The following COL26A1 variants were observed in gnomAD, a reference collection of about 807,000 sequenced individuals.
COL26A1 encodes the protein collagen alpha-1(XXVI) chain.
Under a neutral mutation model 59.3 loss-of-function variants are expected in COL26A1, and 41 were observed. That is an observed-to-expected ratio of 0.69 (90% CI 0.54 to 0.90). The LOEUF (loss-of-function observed/expected upper bound fraction) is 0.90, where lower values mean the gene tolerates loss of function less well. COL26A1 is among the 40% of genes least tolerant of loss of function. The pLI is 0.00. For synonymous variants in COL26A1, 266 were observed against 256.0 expected (o/e 1.04, Z -0.37); for missense variants, 612 against 602.3 (o/e 1.02, Z -0.17).
intron 1 of COL26A1, among the ~76,000 whole-genome samples, chr7:101,419,490 C>G (rs1792458412): frequency 6.6e-6 from 1 of 152,128 alleles, no homozygotes; most frequent in South Asian, 2.1e-4. Context: ...CCGCTGCTTC[C>G]CCTGCTGGCT....
At chr7:101,541,910 T>G (rs1795625684) in intron 5 of COL26A1, among the ~76,000 whole-genome samples, 1 of 152,186 alleles carries the variant, frequency 6.6e-6, no homozygotes. Context: ...GGTCAGGATC[T>G]GCACTGTGCC....
chr7:101,373,616 T>G (rs1791243093), intron 1 of COL26A1, among the ~76,000 whole-genome samples: 1 of 152,122 alleles, frequency 6.6e-6, no homozygotes, highest in South Asian at 2.1e-4. Flanking sequence ...TTCTGAGGGA[T>G]CCTGGAGCGA....
chr7:101,466,795 GGTGTGTGTGTGTGTGTGTGTGT>G (rs59942660), intron 3 of COL26A1, among the ~76,000 whole-genome samples: 1 of 125,174 alleles, frequency 8.0e-6, no homozygotes, highest in Non-Finnish European at 1.7e-5. Context: ...GGCATGTTCT[GGTGTGTGTGTGTGTGTGTGTGT>G]GTGTGTGTGT....
chr7:101,363,340 G>A, intron 1 of COL26A1, 150 bp downstream of exon 1: 1 of 544,692 alleles, frequency 1.8e-6, no homozygotes, highest in Non-Finnish European at 2.8e-6. Context: ...ACTGGGGGCT[G>A]CAGACACCGG....
At chr7:101,471,571 G>GTTTTTTTTTTT (rs71517177) in intron 3 of COL26A1, among the ~76,000 whole-genome samples, 2 of 92,968 alleles carry the variant, frequency 2.2e-5, no homozygotes, top group African/African-American at 3.9e-5. Flanking sequence ...GTTGTTGTTT[G>GTTTTTTTTTTT]TTTTTTTTTT....
At chr7:101,494,129 T>TTTTATTTTGTTTTGTTTTGTTTTGTTTTG (rs1794530716) in intron 3 of COL26A1, among the ~76,000 whole-genome samples, 1 of 145,228 alleles carries the variant, frequency 6.9e-6, no homozygotes, top group African/African-American at 2.8e-5. Context: ...TGCATTGTCG[T>TTTTATTTTGTTTTGTTTTGTTTTGTTTTG]TTTGTTTTGT....
chr7:101,447,803 C>T lies in COL26A1; in HGVS notation c.385+16C>T, dbSNP rs775105548. The T allele has an allele frequency of 1.3e-6, 2 of 1,541,332 alleles. No homozygotes were observed. Among genetic ancestry groups the T allele is most frequent in the Admixed American group, 3.6e-5 (2 of 55,074 alleles). ...TGTGATGAGGGTAAGTTGGCAGGCA[C>T]TTGGGCTGCAGGGGGCCAGGCGTGG... On this transcript the variant is annotated intron_variant, in intron 3 of 12. Coordinates refer to ENST00000313669, the MANE Select transcript of COL26A1 (RefSeq NM_001278563.3).
In COL26A1 at chr7:101,489,824, T is replaced by C. The variant is rs865980023; in HGVS notation, c.385+42037T>C. ...TTTCTTTCTTTCTTTCTTTCTTTCT[T>C]TCTTTCTTTCTTTCTTTCTTTCTTT... On this transcript the variant is annotated intron_variant, in intron 3 of 12. Coordinates refer to ENST00000313669, the MANE Select transcript of COL26A1 (RefSeq NM_001278563.3). 4.2e-3 allele frequency among the ~76,000 whole-genome samples: 36 copies of C among 8,612 alleles called. 3 individuals carry two copies. Among genetic ancestry groups the C allele is most frequent in the Middle Eastern group, 0.036 (1 of 28 alleles). 5.6% of individuals were successfully genotyped at this position (8,612 alleles called of 152,430 possible).
At chr7:101,476,526 G>A (rs913248951) in intron 3 of COL26A1, among the ~76,000 whole-genome samples, 3 of 151,424 alleles carry the variant, frequency 2.0e-5, no homozygotes, top group South Asian at 2.1e-4. Flanking sequence ...GGTTAACATC[G>A]GGTTACTTCT....
chr7:101,493,887 C>T (rs866692870), intron 3 of COL26A1, among the ~76,000 whole-genome samples: 4 of 148,388 alleles, frequency 2.7e-5, no homozygotes, highest in African/African-American at 5.0e-5. Context: ...GAGCTGAGAT[C>T]GTGCCTCTGC....
intron 3 of COL26A1, among the ~76,000 whole-genome samples, chr7:101,454,274 T>TC (rs1793415144): frequency 6.7e-6 from 1 of 150,256 alleles, no homozygotes; most frequent in Admixed American, 6.6e-5. Context: ...CTTTCTTTTT[T>TC]TTTTTTTTGT....
chr7:101,497,781 G>A (rs544477096), intron 3 of COL26A1, among the ~76,000 whole-genome samples: 1 of 152,330 alleles, frequency 6.6e-6, no homozygotes, highest in South Asian at 2.1e-4. Flanking sequence ...AGAAGTTCAA[G>A]ACCAGCTTGG....
At chr7:101,505,245 TTGTG>T (rs1259375758) in intron 3 of COL26A1, among the ~76,000 whole-genome samples, 1 of 151,546 alleles carries the variant, frequency 6.6e-6, no homozygotes, top group Non-Finnish European at 1.5e-5. Context: ...TGTATGTGTG[TTGTG>T]TGTGTGCATG....
intron 3 of COL26A1, among the ~76,000 whole-genome samples, chr7:101,531,160 A>G (rs963234503): frequency 3.3e-5 from 5 of 151,746 alleles, no homozygotes; most frequent in African/African-American, 9.7e-5. Flanking sequence ...TTTAGTAGAG[A>G]CGGGGTTTCA....
intron 3 of COL26A1, among the ~76,000 whole-genome samples, chr7:101,490,295 T>C (rs926619672): frequency 2.0e-5 from 3 of 152,056 alleles, no homozygotes; most frequent in African/African-American, 7.2e-5. Flanking sequence ...CAAGTTGGCC[T>C]CAAACTCCTG....
At position 101,547,207 on chromosome 7, in the gene COL26A1, T is replaced by TCCCAGGA; in HGVS notation, c.912_918dup (p.Gly308ThrfsTer40). On this transcript the variant is annotated frameshift_variant, in exon 8 of 13. Coordinates refer to ENST00000313669, the MANE Select transcript of COL26A1 (RefSeq NM_001278563.3). LOFTEE classifies it high-confidence loss of function. ...ATCGTGGACACAGTGCTGGCAGGTGTCCCAGGACCCCGGGGTCCCCCTGGT... is the reference window on the plus strand; with the variant it reads ...ATCGTGGACACAGTGCTGGCAGGTGTCCCAGGACCCAGGACCCCGGGGTCCCCCTGGT... 6.3e-7 allele frequency: 1 copy of TCCCAGGA among 1,592,778 alleles called. No individual in the cohort carries two copies. Among genetic ancestry groups the TCCCAGGA allele is most frequent in the Non-Finnish European group, 8.5e-7 (1 of 1,171,580 alleles).
intron 3 of COL26A1, among the ~76,000 whole-genome samples, chr7:101,495,140 C>G (rs575406365): frequency 2.0e-5 from 3 of 152,168 alleles, no homozygotes; most frequent in Admixed American, 6.5e-5. Context: ...TCAGGGGGAT[C>G]GGTGCCCCCC....
intron 1 of COL26A1, among the ~76,000 whole-genome samples, chr7:101,418,865 C>A (rs202105873): frequency 1.3e-5 from 2 of 151,976 alleles, no homozygotes; most frequent in Admixed American, 6.6e-5. Context: ...TCCTCCTCTC[C>A]ACTGCCCAAG....
At chr7:101,424,983 T>C (rs1792609144) in intron 2 of COL26A1, among the ~76,000 whole-genome samples, 3 of 151,914 alleles carry the variant, frequency 2.0e-5, no homozygotes, top group Admixed American at 2.0e-4. Context: ...AGTGTAGTGG[T>C]GTGATCATAG....
Sources: allele counts gnomAD v4.1 joint callset (sites outside exome capture counted in the v4.1 genomes callset), GRCh38; gene constraint gnomAD v4.1.1; transcripts MANE v1.5; gene names NCBI Gene and HGNC (gene_info 2026-07-23, HGNC 2026-07-21).